MTHFS: variants seen among roughly 807,000 people sequenced by gnomAD.
MTHFS encodes methenyltetrahydrofolate synthetase.
MTHFS carries 7 observed loss-of-function variants against 12.7 expected under a neutral mutation model. That is an observed-to-expected ratio of 0.55 (90% CI 0.31 to 1.03). The LOEUF is 1.03. Ranked by LOEUF, MTHFS falls within the 50% of genes least tolerant of loss-of-function variation. The pLI is 0.05. For synonymous variants in MTHFS, 100 were observed against 97.1 expected, an observed-to-expected ratio of 1.03 and a Z score of -0.18; for missense variants, 252 against 258.1, an observed-to-expected ratio of 0.98 and a Z score of 0.16.
At chr15:79,896,547 C>G (rs1435771949) in intron 1 of MTHFS, among the ~76,000 whole-genome samples, 1 of 152,232 alleles carries the variant, frequency 6.6e-6, no homozygotes, top group East Asian at 1.9e-4. Flanking sequence ...GCACCGTCAT[C>G]CCCACGGAGG....
chr15:79,861,449 C>T (rs762700141), intron 2 of MTHFS, among the ~76,000 whole-genome samples: 1 of 152,252 alleles, frequency 6.6e-6, no homozygotes, highest in South Asian at 2.1e-4. Context: ...TTTGTTATTT[C>T]GGCCATTCAC....
Position 79,859,697 on chromosome 15 carries a change from A to G in MTHFS, c.380-14255T>C, listed in dbSNP as rs867628969. ...GCCAGGCATAATGGCGGGAGCCTGT[A>G]ATCCCAGCTACTCGGGAGATTGAGG... On this transcript the variant is annotated intron_variant, in intron 2 of 2. Transcript: ENST00000258874. 4.6e-5 allele frequency among the ~76,000 whole-genome samples: 7 copies of G among 152,168 alleles called. 1 individual carries two copies. The highest frequency in any genetic ancestry group is 3.4e-3 in the Middle Eastern group (1 of 294).
intron 2 of MTHFS, among the ~76,000 whole-genome samples, chr15:79,865,732 G>A (rs545486083): frequency 1.3e-5 from 2 of 152,268 alleles, no homozygotes; most frequent in South Asian, 2.1e-4. Context: ...TGGATCTTCT[G>A]CCCCTGCAAA....
chr15:79,878,723 G>A (rs2034242874), intron 2 of MTHFS, among the ~76,000 whole-genome samples: 1 of 151,726 alleles, frequency 6.6e-6, no homozygotes, highest in African/African-American at 2.4e-5. Context: ...TATGTGGAGG[G>A]AGTGGTGGGA....
Position 79,843,839 on chromosome 15 carries a change from A to T in MTHFS, c.*1371T>A, listed in dbSNP as rs922557588. ...CACATCAATGGCCAAGGCCACTCAG[A>T]CAAGGGAAGGAACACTCACTCTGCT... On this transcript the variant is annotated 3_prime_UTR_variant, in exon 3 of 3. Transcript: ENST00000258874. The T allele has an allele frequency of 6.6e-6, 1 of 152,284 alleles. No homozygotes were observed. Among genetic ancestry groups the T allele is most frequent in the African/African-American group, 2.4e-5 (1 of 41,476 alleles). 9.4% of individuals were successfully genotyped at this position (152,284 alleles called of 1,614,324 possible).
intron 1 of MTHFS, among the ~76,000 whole-genome samples, chr15:79,894,693 C>G (rs1008594259): frequency 1.3e-5 from 2 of 152,146 alleles, no homozygotes; most frequent in African/African-American, 2.4e-5. Flanking sequence ...AAAATTTGTT[C>G]CAATTCCTAC....
At chr15:79,897,111 G>GCC (rs5813998), upstream of MTHFS, 3 of 843,370 alleles carry the variant, frequency 3.6e-6, no homozygotes, top group Non-Finnish European at 5.0e-6. Flanking sequence ...TCGGGGAAGC[G>GCC]CCCCCACCCC....
At chr15:79,851,254 G>A (rs981770322) in intron 2 of MTHFS, among the ~76,000 whole-genome samples, 1 of 152,086 alleles carries the variant, frequency 6.6e-6, no homozygotes, top group African/African-American at 2.4e-5. Context: ...ATCCTATACT[G>A]TAAGAATGCC....
rs545631893 is a variant in MTHFS at position 79,894,555 on chromosome 15, T to C, written c.117+2317A>G. ...TGCCAGCTCTCAGTCGTCATTCTAT[T>C]GCTGTCAGTGACTCTGTATCTATGT... On this transcript the variant is annotated intron_variant, in intron 1 of 2. Coordinates refer to ENST00000258874, the MANE Select transcript of MTHFS (RefSeq NM_006441.4). 1.3e-4 allele frequency among the ~76,000 whole-genome samples: 20 copies of C among 152,338 alleles called. 1 individual carries two copies. The highest frequency in any genetic ancestry group is 1.3e-3 in the Admixed American group (20 of 15,300).
chr15:79,896,748 C>G, intron 1 of MTHFS, 124 bp downstream of exon 1: 1 of 1,325,380 alleles, frequency 7.5e-7, no homozygotes, highest in South Asian at 1.5e-5. Context: ...AACGTGCGCG[C>G]GCCGGGGGGT....
intron 2 of MTHFS, among the ~76,000 whole-genome samples, chr15:79,855,337 T>C (rs2033780619): frequency 1.3e-5 from 2 of 152,202 alleles, no homozygotes; most frequent in South Asian, 2.1e-4. Flanking sequence ...TTAATATAAA[T>C]GGCATTTCTA....
At chr15:79,864,544 C>CAAA (rs1566990932) in intron 2 of MTHFS, among the ~76,000 whole-genome samples, 10 of 23,730 alleles carry the variant, frequency 4.2e-4, no homozygotes, top group African/African-American at 2.0e-3. Flanking sequence ...GACTCCATCT[C>CAAA]AACAAAAAAA....
intron 2 of MTHFS, among the ~76,000 whole-genome samples, chr15:79,846,485 A>G (rs2141337255): frequency 6.6e-6 from 1 of 152,294 alleles, no homozygotes; most frequent in Middle Eastern, 3.4e-3. Flanking sequence ...TTCAGAGTAG[A>G]GAGGATCAGA....
intron 2 of MTHFS, among the ~76,000 whole-genome samples, chr15:79,864,587 G>C (rs902715360): frequency 5.9e-5 from 7 of 119,588 alleles, no homozygotes; most frequent in Non-Finnish European, 1.7e-5. Flanking sequence ...AAAAGTCCTT[G>C]AGAGTAAATG....
intron 2 of MTHFS, among the ~76,000 whole-genome samples, chr15:79,856,620 A>G (rs1596064410): frequency 6.6e-6 from 1 of 152,324 alleles, no homozygotes; most frequent in Admixed American, 6.5e-5. Flanking sequence ...GAAAGGGGGG[A>G]AAGAAGAACT....
At chr15:79,848,095 A>G (rs1283340478) in intron 2 of MTHFS, among the ~76,000 whole-genome samples, 1 of 152,224 alleles carries the variant, frequency 6.6e-6, no homozygotes, top group African/African-American at 2.4e-5. Flanking sequence ...AGATATGGAA[A>G]CAAGTATGCA....
At chr15:79,869,141 T>A (rs1317938136) in intron 2 of MTHFS, among the ~76,000 whole-genome samples, 1 of 152,206 alleles carries the variant, frequency 6.6e-6, no homozygotes, top group African/African-American at 2.4e-5. Context: ...AAGCAGACTC[T>A]TGGCAAATGA....
chr15:79,881,452 G>C (rs1243959160), intron 2 of MTHFS, among the ~76,000 whole-genome samples: 2 of 152,012 alleles, frequency 1.3e-5, no homozygotes, highest in Non-Finnish European at 2.9e-5. Context: ...AGATAAAATA[G>C]ACAATTCTGG....
At chr15:79,873,470 T>C (rs1417264340) in intron 2 of MTHFS, among the ~76,000 whole-genome samples, 1 of 152,118 alleles carries the variant, frequency 6.6e-6, no homozygotes, top group Non-Finnish European at 1.5e-5. Flanking sequence ...CTCTCCCACA[T>C]ACCACATCCC....
Sources: gnomAD v4.1 joint callset for allele counts (sites outside exome capture counted in the v4.1 genomes callset) on GRCh38, gnomAD v4.1.1 for gene constraint, MANE v1.5 for transcripts, NCBI Gene and HGNC (gene_info 2026-07-23, HGNC 2026-07-21) for gene names.